The following LDLRAD4 variants were observed in gnomAD, a reference collection of about 807,000 sequenced individuals.
LDLRAD4 encodes the protein low density lipoprotein receptor class A domain containing 4.
A neutral mutation model predicts 17.0 loss-of-function variants in LDLRAD4; 5 were observed. That is an observed-to-expected ratio of 0.29 (90% CI 0.15 to 0.62). The LOEUF (loss-of-function observed/expected upper bound fraction) is 0.62. Ranked by LOEUF, LDLRAD4 falls within the 20% of genes least tolerant of loss-of-function variation. The pLI is 0.84. For missense variants in LDLRAD4, 340 were observed against 424.7 expected (o/e 0.80, Z 1.75); for synonymous variants, 168 against 171.8 (o/e 0.98, Z 0.17).
At chr18:13,617,890 C>T (rs1007017321) in intron 3 of LDLRAD4, among the ~76,000 whole-genome samples, 2 of 152,164 alleles carry the variant, frequency 1.3e-5, no homozygotes, top group East Asian at 1.9e-4. Flanking sequence ...ACAGCCTAAA[C>T]GAATGCAGCC....
chr18:13,243,495 C>T (rs1045164239), intron 1 of LDLRAD4, among the ~76,000 whole-genome samples: 7 of 151,370 alleles, frequency 4.6e-5, no homozygotes, highest in Admixed American at 3.3e-4. Flanking sequence ...CCTACCCACC[C>T]GTTCCTCTAT....
intron 1 of LDLRAD4, among the ~76,000 whole-genome samples, chr18:13,360,947 A>G (rs1171774227): frequency 6.6e-6 from 1 of 152,236 alleles, no homozygotes; most frequent in Non-Finnish European, 1.5e-5. Flanking sequence ...AACTGAGTAT[A>G]AAAACTCCAC....
At chr18:13,376,740 A>G (rs1375288716) in intron 1 of LDLRAD4, among the ~76,000 whole-genome samples, 1 of 152,148 alleles carries the variant, frequency 6.6e-6, no homozygotes, top group East Asian at 1.9e-4. Context: ...ACGTATCTTT[A>G]CCGCTGCCTG....
At chr18:13,388,443 T>C (rs1056217994) in intron 2 of LDLRAD4, among the ~76,000 whole-genome samples, 5 of 152,230 alleles carry the variant, frequency 3.3e-5, no homozygotes, top group African/African-American at 9.6e-5. Flanking sequence ...CAGACTGGGC[T>C]CCGTGACATT....
intron 3 of LDLRAD4, among the ~76,000 whole-genome samples, chr18:13,457,434 G>A (rs1025643435): frequency 2.6e-5 from 4 of 152,196 alleles, no homozygotes; most frequent in African/African-American, 9.7e-5. Context: ...GGATTTTTAT[G>A]GGCGCTTCTT....
intron 3 of LDLRAD4, among the ~76,000 whole-genome samples, chr18:13,469,832 A>G (rs2092719659): frequency 6.6e-6 from 1 of 152,210 alleles, no homozygotes; most frequent in Admixed American, 6.5e-5. Flanking sequence ...TGTTAGTAAC[A>G]CCACTGAATT....
At chr18:13,532,546 G>A (rs1157360619) in intron 3 of LDLRAD4, among the ~76,000 whole-genome samples, 1 of 152,162 alleles carries the variant, frequency 6.6e-6, no homozygotes, top group East Asian at 1.9e-4. Context: ...GGAGGAGTGG[G>A]ATAGCTTTTG....
Position 13,515,000 on chromosome 18 carries a change from G to A in LDLRAD4, c.181+76616G>A, listed in dbSNP as rs1450134052. 1.3e-5 allele frequency: 2 copies of A among 152,062 alleles called. 1 individual carries two copies. Among genetic ancestry groups the A allele is most frequent in the Non-Finnish European group, 2.9e-5 (2 of 68,032 alleles). The allele number at this position is 152,062 out of a possible 1,614,324, so 9.4% of individuals were successfully genotyped here. A position where few individuals can be genotyped will look rare whatever the true frequency, so the allele number is the denominator to read the frequency against. On this transcript the variant is annotated intron_variant, in intron 3 of 5. Coordinates refer to ENST00000359446, the Ensembl canonical transcript of LDLRAD4. ...CCCCCACATTACCACTGTGGGCAAA[G>A]CATGGAAGGTATTTAGGTGGGTGGG...
At chr18:13,649,453 G>A (rs1458844588) in exon 6 of LDLRAD4, 2 of 152,238 alleles carry the variant, frequency 1.3e-5, no homozygotes, top group Non-Finnish European at 2.9e-5. Context: ...CTGGTGCAGA[G>A]CACTTCAAAT....
intron 2 of LDLRAD4, among the ~76,000 whole-genome samples, chr18:13,411,000 C>T (rs2088283846): frequency 1.3e-5 from 2 of 152,150 alleles, no homozygotes; most frequent in African/African-American, 2.4e-5. Flanking sequence ...CCTATAATCC[C>T]AGCACTTTGG....
At chr18:13,326,240 TTG>T (rs988553339) in intron 1 of LDLRAD4, among the ~76,000 whole-genome samples, 8 of 152,094 alleles carry the variant, frequency 5.3e-5, no homozygotes, top group African/African-American at 1.9e-4. Context: ...GGCTTAGTAT[TTG>T]TATGTTTCCT....
At chr18:13,454,910 C>T (rs960721847) in intron 3 of LDLRAD4, among the ~76,000 whole-genome samples, 4 of 152,372 alleles carry the variant, frequency 2.6e-5, no homozygotes, top group Non-Finnish European at 2.9e-5. Context: ...CACTTGGCTG[C>T]GCACAGTGCT....
intron 3 of LDLRAD4, among the ~76,000 whole-genome samples, chr18:13,579,255 G>T (rs1433209266): frequency 6.6e-6 from 1 of 152,146 alleles, no homozygotes; most frequent in Non-Finnish European, 1.5e-5. Flanking sequence ...TTATGAATGT[G>T]GGAAATATCT....
chr18:13,572,990 G>A (rs187860353), intron 3 of LDLRAD4, among the ~76,000 whole-genome samples: 182 of 152,378 alleles, frequency 1.2e-3, no homozygotes, highest in African/African-American at 4.1e-3. Flanking sequence ...CTGGAGGTGT[G>A]CCCTCCTGTG....
intron 3 of LDLRAD4, among the ~76,000 whole-genome samples, chr18:13,597,780 C>A (rs544447411): frequency 3.4e-5 from 5 of 147,856 alleles, no homozygotes; most frequent in East Asian, 2.0e-4. Flanking sequence ...ACAGATAATT[C>A]TATTTCTTTA....
At chr18:13,364,363 G>T (rs1459553713) in intron 1 of LDLRAD4, among the ~76,000 whole-genome samples, 1 of 152,040 alleles carries the variant, frequency 6.6e-6, no homozygotes, top group African/African-American at 2.4e-5. Context: ...AAAGAGACAA[G>T]GTCTTGCTCT....
intron 3 of LDLRAD4, among the ~76,000 whole-genome samples, chr18:13,529,301 T>C (rs1344956565): frequency 6.6e-6 from 1 of 152,250 alleles, no homozygotes; most frequent in Non-Finnish European, 1.5e-5. Flanking sequence ...CTCTCTTTGA[T>C]GTATTCCTCC....
At chr18:13,260,671 C>T (rs757790111) in intron 1 of LDLRAD4, among the ~76,000 whole-genome samples, 1 of 152,188 alleles carries the variant, frequency 6.6e-6, no homozygotes, top group Non-Finnish European at 1.5e-5. Context: ...CCACCCTCTC[C>T]CTCCCTCCTT....
intron 3 of LDLRAD4, among the ~76,000 whole-genome samples, chr18:13,480,870 A>G (rs1600696938): frequency 1.3e-5 from 2 of 152,354 alleles, no homozygotes; most frequent in South Asian, 4.1e-4. Flanking sequence ...ACAGACACCC[A>G]TGACTCCCAG....
Sources: gnomAD v4.1 joint callset for allele counts (sites outside exome capture counted in the v4.1 genomes callset) on GRCh38, gnomAD v4.1.1 for gene constraint, MANE v1.5 for transcripts, NCBI Gene and HGNC (gene_info 2026-07-23, HGNC 2026-07-21) for gene names.